ADGRD1: variants seen among roughly 807,000 people sequenced by gnomAD.
The protein encoded by ADGRD1 is adhesion G protein-coupled receptor D1, also known as G-protein coupled receptor 133.
Under a neutral mutation model 113.4 loss-of-function variants are expected in ADGRD1, and 77 were observed. That is an observed-to-expected ratio of 0.68 (90% confidence interval 0.57 to 0.82). The LOEUF (loss-of-function observed/expected upper bound fraction) is 0.82. Among genes scored for constraint, ADGRD1 ranks in the 40% least tolerant of loss-of-function variants. The pLI, the probability that ADGRD1 is intolerant of heterozygous loss-of-function variation, is 0.00. For missense variants in ADGRD1, 1,036 were observed against 1,139.1 expected (o/e 0.91, Z 1.30); for synonymous variants, 474 against 475.0 (o/e 1.00, Z 0.03).
rs1466712962 is a variant in ADGRD1 at position 130,990,703 on chromosome 12, GTTCT to G, written c.746-308_746-305del. 13 of 253,128 alleles carry G rather than the reference GTTCT, an allele frequency of 5.1e-5. No homozygotes were observed. In the Admixed American group the frequency reaches 6.4e-4, roughly 13 times the overall value. 15.7% of individuals were successfully genotyped at this position (253,128 alleles called of 1,614,324 possible). A position where few individuals can be genotyped will look rare whatever the true frequency, so the allele number is the denominator to read the frequency against. On this transcript the variant is annotated intron_variant, in intron 6 of 24. Transcript: ENST00000261654. ...ATGCAATTGAAATCTATTTCTTTTG[GTTCT>G]TTATTTATTTGAAATCGGTAATCCT...
In ADGRD1 at chr12:131,105,860, G is replaced by A; in HGVS notation, c.1882G>A (p.Gly628Ser). The change falls in exon 17 of 25, where the codon GGC becomes AGC. Residue 628 changes from glycine (G) to serine (S), a missense_variant. Physicochemically the swap from Gly to Ser is moderately conservative, Grantham distance 56. Coordinates refer to ENST00000261654, the MANE Select transcript of ADGRD1 (RefSeq NM_198827.5). Reference protein sequence around the residue: ...LLLISFRLEPGTTPCQVMAVL... With the variant: ...LLLISFRLEPSTTPCQVMAVL... ...GCTCATTAGTTTCCGCCTCGAGCCGGGCACGGTGAGTGGGCGCAGCTCCGT... is the reference window on the plus strand; with the variant it reads ...GCTCATTAGTTTCCGCCTCGAGCCGAGCACGGTGAGTGGGCGCAGCTCCGT... 6.3e-7 allele frequency: 1 copy of A among 1,595,240 alleles called. No homozygotes were observed. The highest frequency in any genetic ancestry group is 8.5e-7 in the Non-Finnish European group (1 of 1,177,222).
rs1323172740 is a variant in ADGRD1, at chr12:130,984,056, A to G, written c.490+1993A>G. On this transcript the variant is annotated intron_variant, in intron 5 of 24. Transcript: ENST00000261654. This position sits in a 1 kb window ranked among gnomAD's most constrained non-coding sequence, Gnocchi z 4.1. Reference sequence around the variant, plus strand: ...CTACCAACTCACTCCCATGTTGGTTAACATTATACGCCCTCGCTTAGAGCA... The same window carrying G: ...CTACCAACTCACTCCCATGTTGGTTGACATTATACGCCCTCGCTTAGAGCA... 6.6e-6 allele frequency among the ~76,000 whole-genome samples: 1 copy of G among 152,194 alleles called. No homozygotes were observed. The highest frequency in any genetic ancestry group is 1.5e-5 in the Non-Finnish European group (1 of 68,048).
intron 14 of ADGRD1, among the ~76,000 whole-genome samples, chr12:131,080,725 G>A (rs181807453): frequency 7.2e-4 from 110 of 152,152 alleles, no homozygotes; most frequent in Middle Eastern, 3.4e-3. Context: ...GGTTCACGCC[G>A]TTCTCCTGCC....
intron 13 of ADGRD1, among the ~76,000 whole-genome samples, chr12:131,059,754 A>G (rs1278957978): frequency 6.6e-6 from 1 of 152,218 alleles, no homozygotes; most frequent in Admixed American, 6.5e-5. Context: ...AGCACTTCTA[A>G]TTCTTTGCTG....
At position 131,138,145 on chromosome 12, in the gene ADGRD1, C is replaced by T. The variant is rs567355581; in HGVS notation, c.2445C>T (p.Ala815=). Residue 815 remains alanine (A), a synonymous_variant, in exon 24 of 25, where the codon GCC becomes GCT. Coordinates refer to ENST00000261654, the MANE Select transcript of ADGRD1 (RefSeq NM_198827.5). ...CCTTCCCCGCTTTCAAGGTGAGAGC[C>T]GCCTTCAAGCACAAAACCAAGGTCT... The part of the protein sequence containing the change: ...FHCLLNSEVR[A]AFKHKTKVWS... 29 of 1,613,418 alleles carry T rather than the reference C, an allele frequency of 1.8e-5. No individual in the cohort carries two copies. The East Asian group carries it at 4.7e-4, about 26-fold the overall frequency.
chr12:130,982,105 G>A, intron 5 of ADGRD1, 42 bp downstream of exon 5: 2 of 1,535,312 alleles, frequency 1.3e-6, no homozygotes, highest in Non-Finnish European at 1.8e-6. Flanking sequence ...GCCTGGAGGA[G>A]TGGAGTCTTC....
rs1358403696 is a variant in ADGRD1 at position 131,060,128 on chromosome 12, C to T, written c.1474-16673C>T. Among the ~76,000 whole-genome samples the T allele has an allele frequency of 6.6e-6, 1 of 152,256 alleles. No homozygotes were observed. The highest frequency in any genetic ancestry group is 6.5e-5 in the Admixed American group (1 of 15,294). ...TGGAGTCCTGGTGAGGGCTGGGTGC[C>T]GCATGGCTACTGGGTTCCCCCAGGG... On this transcript the variant is annotated intron_variant, in intron 13 of 24. Transcript: ENST00000261654. This position sits in a 1 kb window ranked among gnomAD's most constrained non-coding sequence, Gnocchi z 4.4.
Position 131,138,187 on chromosome 12 carries a change from C to G in ADGRD1, c.2487C>G (p.Ser829Arg). Residue 829 changes from serine (S) to arginine (R), a missense_variant, in exon 24 of 25, where the codon AGC (serine) becomes AGG (arginine). By Grantham distance (110) the Ser-to-Arg change is moderately radical (BLOSUM62 -1). Transcript: ENST00000261654. ...CCAAGGTCTGGTCGCTCACGAGCAG[C>G]TCTGCCCGCACCTCCAACGCGAAGC... ...HKTKVWSLTSSSARTSNAKPF... is the reference protein window; with the variant it reads ...HKTKVWSLTSRSARTSNAKPF... 6.2e-7 allele frequency: 1 copy of G among 1,613,732 alleles called. No individual in the cohort carries two copies. Among genetic ancestry groups the G allele is most frequent in the Non-Finnish European group, 8.5e-7 (1 of 1,179,980 alleles).
At position 131,139,243 on chromosome 12, in the gene ADGRD1, G is replaced by A. The variant is rs377434309; in HGVS notation, c.2605G>A (p.Val869Ile). ...WDKSSHSAHR[V>I]DLSAV ...CAAGAGCAGCCACTCTGCCCACCGC[G>A]TCGACCTGTCAGCCGTGTGAGCCGG... The change falls in exon 25 of 25, where the codon GTC becomes ATC. Residue 869 changes from valine to isoleucine, a missense_variant. Transcript: ENST00000261654. 2.2e-4 allele frequency: 348 copies of A among 1,612,684 alleles called. No individual in the cohort carries two copies. The highest frequency in any genetic ancestry group is 2.9e-4 in the Non-Finnish European group (341 of 1,179,674).
chr12:131,137,221 A>G (rs1951109513), intron 23 of ADGRD1: 1 of 606,840 alleles, frequency 1.6e-6, no homozygotes, highest in Non-Finnish European at 2.9e-6. Context: ...AGCGATATGC[A>G]AGCATCCTCT....
intron 13 of ADGRD1, among the ~76,000 whole-genome samples, chr12:131,036,279 CTCACTCACTGCACT>C (rs1219459266): frequency 2.0e-5 from 3 of 151,858 alleles, no homozygotes; most frequent in African/African-American, 4.8e-5. Flanking sequence ...TGCACTGGGT[CTCACTCACTGCACT>C]GGGCCTCACT....
rs534759720 is a variant in ADGRD1, at chr12:130,976,055, C to T, written c.310+4475C>T. ...CCCGAGGCAGCAGCTGGAGCATCTCCGCACGGCCATTTCCCTCTTCTCAGC... is the reference window on the plus strand; with the variant it reads ...CCCGAGGCAGCAGCTGGAGCATCTCTGCACGGCCATTTCCCTCTTCTCAGC... On this transcript the variant is annotated intron_variant, in intron 4 of 24. Coordinates refer to ENST00000261654, the MANE Select transcript of ADGRD1 (RefSeq NM_198827.5). 5.9e-5 allele frequency among the ~76,000 whole-genome samples: 9 copies of T among 152,342 alleles called. No individual in the cohort carries two copies. The East Asian group carries it at 7.7e-4, about 13-fold the overall frequency.
At chr12:131,083,935 C>T (rs768552877) in intron 14 of ADGRD1, among the ~76,000 whole-genome samples, 3 of 152,112 alleles carry the variant, frequency 2.0e-5, no homozygotes, top group Admixed American at 1.3e-4. Flanking sequence ...TAGCTGTGTT[C>T]GTGGGAAGTG....
intron 12 of ADGRD1, among the ~76,000 whole-genome samples, chr12:131,007,138 G>T (rs4759826): frequency 0.84 from 128,414 of 152,234 alleles, 58,032 homozygotes; most frequent in East Asian, 1. Context: ...GGCCCACAAC[G>T]TCACAAAGGC....
chr12:130,961,043 G>A (rs922795668), intron 2 of ADGRD1, among the ~76,000 whole-genome samples: 2 of 152,204 alleles, frequency 1.3e-5, no homozygotes, highest in African/African-American at 2.4e-5. Context: ...CCCGACCATC[G>A]GCAGGGGCCG....
intron 15 of ADGRD1, among the ~76,000 whole-genome samples, chr12:131,103,954 A>G (rs1950161185): frequency 6.6e-6 from 1 of 152,168 alleles, no homozygotes; most frequent in Non-Finnish European, 1.5e-5. Context: ...CCTGGAGCGC[A>G]GGGTCACATG....
chr12:131,140,561 C>T lies in ADGRD1; in HGVS notation c.*1298C>T, dbSNP rs935569004. ...GTCTGTGAAATGTGGGTAAGACATTCAAACCTGGTTTTGATACTGGAAACT... is the reference window on the plus strand; with the variant it reads ...GTCTGTGAAATGTGGGTAAGACATTTAAACCTGGTTTTGATACTGGAAACT... On this transcript the variant is annotated 3_prime_UTR_variant, in exon 25 of 25. Transcript: ENST00000261654. The T allele has an allele frequency of 6.6e-6, 1 of 152,022 alleles. No homozygotes were observed. The highest frequency in any genetic ancestry group is 2.4e-5 in the African/African-American group (1 of 41,386). 9.4% of individuals were successfully genotyped at this position (152,022 alleles called of 1,614,324 possible).
In ADGRD1 at chr12:131,140,259, CGCGGCAGGTAGCACAGTGCGCTCCGTCT is replaced by C. The variant is rs905225160; in HGVS notation, c.*998_*1025del. ...TACGAAGTTTCTAATGGGCAGACCA[CGCGGCAGGTAGCACAGTGCGCTCCGTCT>C]GGTCACCATGAGACCGACCTGCGCT... On this transcript the variant is annotated 3_prime_UTR_variant, in exon 25 of 25. Coordinates refer to ENST00000261654, the MANE Select transcript of ADGRD1 (RefSeq NM_198827.5). 9.9e-5 allele frequency: 15 copies of C among 152,160 alleles called. No homozygotes were observed. Among genetic ancestry groups the C allele is most frequent in the Non-Finnish European group, 1.9e-4 (13 of 68,058 alleles). 9.4% of individuals were successfully genotyped at this position (152,160 alleles called of 1,614,324 possible).
Position 131,027,369 on chromosome 12 carries a change from A to C in ADGRD1, c.1473+13029A>C. 6.6e-6 allele frequency: 1 copy of C among 152,232 alleles called. No homozygotes were observed. The highest frequency in any genetic ancestry group is 2.1e-4 in the South Asian group (1 of 4,818). 9.4% of individuals were successfully genotyped at this position (152,232 alleles called of 1,614,324 possible). ...GCTATCCGTGCCGTTTCGCAGCTTC[A>C]GTTTTTAAATTTACCATGTCTATAT... On this transcript the variant is annotated intron_variant, in intron 13 of 24. Transcript: ENST00000261654. This position sits in a 1 kb window ranked among gnomAD's most constrained non-coding sequence, Gnocchi z 5.1.
Sources: gnomAD v4.1 joint callset for allele counts (sites outside exome capture counted in the v4.1 genomes callset) on GRCh38, gnomAD v4.1.1 for gene constraint, Gnocchi (gnomAD v3.1) non-coding constraint, MANE v1.5 for transcripts, NCBI Gene and HGNC (gene_info 2026-07-23, HGNC 2026-07-21) for gene names.